ASCC2: variants seen among roughly 807,000 people sequenced by gnomAD.
ASCC2 encodes ASC-1 complex subunit P100.
A neutral mutation model predicts 93.5 loss-of-function variants in ASCC2; 42 were observed. The ratio of observed to expected loss-of-function variants is 0.45; its 90% CI spans 0.35 to 0.58. The LOEUF is 0.58. ASCC2 is among the 20% of genes least tolerant of loss of function. The pLI is 0.00. For missense variants in ASCC2, 859 were observed against 977.6 expected, an observed-to-expected ratio of 0.88 and a Z score of 1.62; for synonymous variants, 364 against 384.2, an observed-to-expected ratio of 0.95 and a Z score of 0.62.
chr22:29,800,997 C>A lies in ASCC2; in HGVS notation c.1682G>T (p.Gly561Val). 6.3e-7 allele frequency: 1 copy of A among 1,595,354 alleles called. No individual in the cohort carries two copies. The highest frequency in any genetic ancestry group is 8.6e-7 in the Non-Finnish European group (1 of 1,165,284). ...CATGGCCCACTGCACTCACCTCTTG[C>A]CCTTGTGCACCCGGCTCAGGTCTAC... is the stretch of plus-strand genomic sequence containing the variant. Reference protein sequence around the residue: ...DSVDLSRVHKGKSTRKEENTR... With the variant: ...DSVDLSRVHKVKSTRKEENTR... Residue 561 changes from glycine to valine, a missense_variant, in exon 15 of 20, where the codon GGC becomes GTC. Coordinates refer to ENST00000307790, the MANE Select transcript of ASCC2 (RefSeq NM_032204.5).
intron 5 of ASCC2, among the ~76,000 whole-genome samples, chr22:29,817,782 T>C (rs1056093680): frequency 2.6e-5 from 4 of 152,204 alleles, no homozygotes; most frequent in African/African-American, 4.8e-5. Flanking sequence ...ACAGTGACGA[T>C]GTAACTTTTG....
rs540060850 is a variant in ASCC2 at position 29,829,813 on chromosome 22, G to A, written c.81+2432C>T. Among the ~76,000 whole-genome samples, 7 of 151,910 alleles carry A rather than the reference G, an allele frequency of 4.6e-5. No homozygotes were observed. In the East Asian group the frequency reaches 7.7e-4, roughly 17 times the overall value. ...GCTGGGATTACAGGCGTGAGCTACC[G>A]GGCCTGGCCACAAGACTATTTCTTT... is the stretch of plus-strand genomic sequence containing the variant. On this transcript the variant is annotated intron_variant, in intron 2 of 19. Transcript: ENST00000307790.
intron 5 of ASCC2, among the ~76,000 whole-genome samples, chr22:29,820,288 G>A (rs546157165): frequency 5.3e-5 from 8 of 151,868 alleles, no homozygotes; most frequent in Admixed American, 1.3e-4. Context: ...TCAGCCTCCC[G>A]GGTAGCTGGG....
intron 2 of ASCC2, chr22:29,827,600 T>C: frequency 2.1e-6 from 1 of 470,884 alleles, no homozygotes; most frequent in Non-Finnish European, 4.4e-6. Context: ...CAGGTACAAA[T>C]CTGTTGAAAA....
chr22:29,806,556 A>G lies in ASCC2; in HGVS notation c.1017-3T>C, dbSNP rs1569388639. 3 of 1,612,718 alleles carry G rather than the reference A, an allele frequency of 1.9e-6. No individual in the cohort carries two copies. Among genetic ancestry groups the G allele is most frequent in the African/African-American group, 2.7e-5 (2 of 74,908 alleles). ...TGAAGCCCTGAATGTTGTCACAGCT[A>G]GAACAAGACACCAGGGAAGATGAGC... On this transcript the variant is annotated splice_polypyrimidine_tract_variant and splice_region_variant and intron_variant, in intron 10 of 19. Coordinates refer to ENST00000307790, the MANE Select transcript of ASCC2 (RefSeq NM_032204.5).
intron 13 of ASCC2, among the ~76,000 whole-genome samples, chr22:29,803,073 C>G (rs2059277769): frequency 6.6e-6 from 1 of 151,758 alleles, no homozygotes; most frequent in Admixed American, 6.6e-5. Context: ...ATGGTGAAAC[C>G]CCATCTCTGC....
chr22:29,838,097 A>T, intron 1 of ASCC2, 81 bp downstream of exon 1: 1 of 452,034 alleles, frequency 2.2e-6, no homozygotes, highest in Non-Finnish European at 4.4e-6. Flanking sequence ...AGGATGGGAG[A>T]GCCAAGGCTG....
chr22:29,804,916 A>G, intron 12 of ASCC2, 86 bp from the exon 13 acceptor site: 2 of 1,425,948 alleles, frequency 1.4e-6, no homozygotes, highest in South Asian at 1.3e-5. Flanking sequence ...ATCTGACCAC[A>G]TGGTTCCTGC....
intron 5 of ASCC2, among the ~76,000 whole-genome samples, chr22:29,819,981 T>TC (rs1401121035): frequency 2.0e-5 from 3 of 151,864 alleles, no homozygotes; most frequent in East Asian, 3.9e-4. Flanking sequence ...AGAATCAGCC[T>TC]CCAGAGTAGC....
At chr22:29,829,519 G>A (rs780032223) in intron 2 of ASCC2, among the ~76,000 whole-genome samples, 2 of 152,028 alleles carry the variant, frequency 1.3e-5, no homozygotes, top group South Asian at 2.1e-4. Flanking sequence ...TCAGGAGTTC[G>A]AGACTAGCCT....
At chr22:29,822,752 G>A (rs1361976886) in intron 4 of ASCC2, among the ~76,000 whole-genome samples, 2 of 140,420 alleles carry the variant, frequency 1.4e-5, no homozygotes, top group African/African-American at 2.7e-5. Context: ...ACAGGGTCTG[G>A]CTCTGTTGCC....
chr22:29,835,668 A>T (rs2063690771), intron 1 of ASCC2, among the ~76,000 whole-genome samples: 1 of 152,194 alleles, frequency 6.6e-6, no homozygotes, highest in African/African-American at 2.4e-5. Context: ...TATGAGAAGT[A>T]ATCAATGTGA....
At chr22:29,805,995 A>G (rs2059628997) in intron 12 of ASCC2, among the ~76,000 whole-genome samples, 1 of 152,070 alleles carries the variant, frequency 6.6e-6, no homozygotes, top group African/African-American at 2.4e-5. Flanking sequence ...CAGGAAACAC[A>G]GACGGAAAAT....
intron 15 of ASCC2, among the ~76,000 whole-genome samples, chr22:29,798,609 A>AGCCTATCT (rs2058719634): frequency 6.6e-6 from 1 of 152,204 alleles, no homozygotes; most frequent in East Asian, 1.9e-4. Flanking sequence ...CACTGAGTAC[A>AGCCTATCT]GCCTATCTGA....
intron 13 of ASCC2, 97 bp downstream of exon 13, chr22:29,804,541 A>T: frequency 6.8e-7 from 1 of 1,479,754 alleles, no homozygotes; most frequent in African/African-American, 1.4e-5. Flanking sequence ...TTCCCTGAGT[A>T]TAAAAGCAAA....
Position 29,838,241 on chromosome 22 carries a change from G to A in ASCC2, c.-81C>T, listed in dbSNP as rs1289412766. 4.5e-6 allele frequency: 2 copies of A among 443,892 alleles called. No individual in the cohort carries two copies. Among genetic ancestry groups the A allele is most frequent in the East Asian group, 7.4e-5 (1 of 13,604 alleles). 27.5% of individuals were successfully genotyped at this position (443,892 alleles called of 1,614,324 possible). On this transcript the variant is annotated 5_prime_UTR_variant, in exon 1 of 20. Coordinates refer to ENST00000307790, the MANE Select transcript of ASCC2 (RefSeq NM_032204.5). ...GCCGCCGCCGCCGACCACGGTGACAGCTCCCTGAGCGCCCGCACTTCCGGG... is the reference window on the plus strand; with the variant it reads ...GCCGCCGCCGCCGACCACGGTGACAACTCCCTGAGCGCCCGCACTTCCGGG...
intron 14 of ASCC2, among the ~76,000 whole-genome samples, chr22:29,801,764 C>T (rs1307748720): frequency 1.3e-5 from 2 of 152,214 alleles, no homozygotes; most frequent in Non-Finnish European, 2.9e-5. Context: ...AATCAGCCTT[C>T]CCACAAAGTG....
At chr22:29,806,579 A>T in intron 10 of ASCC2, 26 bp from the exon 11 acceptor site, 2 of 1,602,942 alleles carry the variant, frequency 1.2e-6, no homozygotes, top group Non-Finnish European at 1.7e-6. Context: ...AGGGAAGATG[A>T]GCTCATGCAA....
At chr22:29,806,769 C>T in intron 10 of ASCC2, 28 bp downstream of exon 10, 3 of 1,571,768 alleles carry the variant, frequency 1.9e-6, no homozygotes, top group Non-Finnish European at 2.6e-6. Flanking sequence ...GAGACTCTTC[C>T]ACCAGGAGGC....
Sources: gnomAD v4.1 joint callset for allele counts (sites outside exome capture counted in the v4.1 genomes callset) on GRCh38, gnomAD v4.1.1 for gene constraint, MANE v1.5 for transcripts, NCBI Gene and HGNC (gene_info 2026-07-23, HGNC 2026-07-21) for gene names.